The following LRRC4C variants were observed in gnomAD, a reference collection of about 807,000 sequenced individuals.
LRRC4C encodes the protein leucine rich repeat containing 4C.
LRRC4C carries 5 observed loss-of-function variants against 33.6 expected under a neutral mutation model. That is an observed-to-expected ratio of 0.15 (90% CI 0.08 to 0.31). LRRC4C has a LOEUF of 0.31. Ranked by LOEUF, LRRC4C falls within the 10% of genes least tolerant of loss-of-function variation. The pLI is 1.00. For missense variants in LRRC4C, 560 were observed against 796.7 expected (o/e 0.70, Z 3.58); for synonymous variants, 329 against 302.0 (o/e 1.09, Z -0.93).
Position 41,410,630 on chromosome 11 carries a change from CGGTGT to C in LRRC4C, c.-496+48796_-496+48800del, listed in dbSNP as rs1466616741. Among the ~76,000 whole-genome samples the C allele has an allele frequency of 2.6e-5, 4 of 151,758 alleles. No homozygotes were observed. The East Asian group carries it at 7.8e-4, about 30-fold the overall frequency. ...TAATTTTTTGTATTTTTAGTAGAGACGGTGTTTCACCGTGTTAGCCAGGATGGTCT... is the reference window on the plus strand; with the variant it reads ...TAATTTTTTGTATTTTTAGTAGAGACTTCACCGTGTTAGCCAGGATGGTCT... On this transcript the variant is annotated intron_variant, in intron 1 of 6. Coordinates refer to ENST00000528697, the MANE Select transcript of LRRC4C (RefSeq NM_001258419.2).
intron 1 of LRRC4C, among the ~76,000 whole-genome samples, chr11:41,413,708 C>T (rs1954575220): frequency 6.6e-6 from 1 of 152,090 alleles, no homozygotes; most frequent in Admixed American, 6.6e-5. Flanking sequence ...ACATCTATGG[C>T]ATAAAAGTAA....
At chr11:40,272,004 C>T (rs1942741333) in intron 4 of LRRC4C, among the ~76,000 whole-genome samples, 2 of 151,986 alleles carry the variant, frequency 1.3e-5, no homozygotes, top group African/African-American at 4.8e-5. Flanking sequence ...TATAAAATAC[C>T]ATGAAAAACC....
intron 3 of LRRC4C, among the ~76,000 whole-genome samples, chr11:40,593,251 G>T (rs969799853): frequency 7.2e-5 from 11 of 152,184 alleles, no homozygotes; most frequent in African/African-American, 2.4e-4. Flanking sequence ...CCATTCTTAA[G>T]TGCTACCTTG....
chr11:40,489,764 T>G (rs970497644), intron 3 of LRRC4C, among the ~76,000 whole-genome samples: 1 of 152,184 alleles, frequency 6.6e-6, no homozygotes, highest in African/African-American at 2.4e-5. Flanking sequence ...TCCCATTTAC[T>G]ATTCTATTAC....
intron 1 of LRRC4C, among the ~76,000 whole-genome samples, chr11:41,387,335 T>C (rs1382155589): frequency 6.6e-6 from 1 of 151,632 alleles, no homozygotes; most frequent in African/African-American, 2.4e-5. Flanking sequence ...AGACAGGTGA[T>C]AAGAAGTGAG....
intron 1 of LRRC4C, among the ~76,000 whole-genome samples, chr11:41,152,386 T>G (rs1489676171): frequency 1.3e-5 from 2 of 152,218 alleles, no homozygotes; most frequent in African/African-American, 2.4e-5. Context: ...GTGCTTATTC[T>G]GCTTCAAGGT....
At chr11:40,185,208 G>GT (rs1331417267) in intron 5 of LRRC4C, among the ~76,000 whole-genome samples, 12 of 152,286 alleles carry the variant, frequency 7.9e-5, no homozygotes, top group African/African-American at 2.9e-4. Context: ...ACATGTGCTT[G>GT]TGTGTATTCA....
intron 1 of LRRC4C, among the ~76,000 whole-genome samples, chr11:41,055,489 A>G (rs773419076): frequency 6.6e-6 from 1 of 152,126 alleles, no homozygotes; most frequent in Non-Finnish European, 1.5e-5. Context: ...CATCTTAACC[A>G]ACTCATGGAA....
intron 3 of LRRC4C, among the ~76,000 whole-genome samples, chr11:40,575,257 C>T (rs1958144236): frequency 1.3e-5 from 2 of 152,108 alleles, no homozygotes; most frequent in Admixed American, 1.3e-4. Context: ...GGTTCCCAGC[C>T]ATATGTAGTT....
At chr11:41,001,320 C>T (rs1054831783) in intron 1 of LRRC4C, among the ~76,000 whole-genome samples, 7 of 152,096 alleles carry the variant, frequency 4.6e-5, no homozygotes, top group African/African-American at 1.4e-4. Context: ...GTCTTAAGAT[C>T]GAGCAAGAAG....
At chr11:41,197,829 T>C (rs1396278154) in intron 1 of LRRC4C, among the ~76,000 whole-genome samples, 2 of 151,916 alleles carry the variant, frequency 1.3e-5, no homozygotes, top group Non-Finnish European at 2.9e-5. Flanking sequence ...GCCTACATCA[T>C]GGAAAGGTGG....
chr11:40,129,385 A>T (rs374928418), intron 6 of LRRC4C, among the ~76,000 whole-genome samples: 16 of 152,196 alleles, frequency 1.1e-4, no homozygotes, highest in African/African-American at 3.9e-4. Context: ...GTAGGTGATA[A>T]AGTCGGGGAG....
intron 2 of LRRC4C, among the ~76,000 whole-genome samples, chr11:40,868,513 T>C (rs373643602): frequency 7.2e-5 from 11 of 152,194 alleles, no homozygotes; most frequent in African/African-American, 2.6e-4. Flanking sequence ...ATTCTAAACT[T>C]TGGAAGATTT....
chr11:41,165,269 C>T (rs1308959241), intron 1 of LRRC4C, among the ~76,000 whole-genome samples: 1 of 152,024 alleles, frequency 6.6e-6, no homozygotes, highest in Non-Finnish European at 1.5e-5. Context: ...TCTGATCACC[C>T]CAGCAATAAG....
At chr11:41,280,495 CTG>C in intron 1 of LRRC4C, among the ~76,000 whole-genome samples, 1 of 152,314 alleles carries the variant, frequency 6.6e-6, no homozygotes, top group Non-Finnish European at 1.5e-5. Flanking sequence ...ATAACAGAGG[CTG>C]TGCTCAACTC....
intron 1 of LRRC4C, among the ~76,000 whole-genome samples, chr11:40,952,896 ACTCTCTCTCTCT>A (rs35019678): frequency 2.9e-5 from 2 of 70,162 alleles, no homozygotes; most frequent in African/African-American, 4.9e-5. Context: ...ACACACACAC[ACTCTCTCTCTCT>A]CTCTCTCTCT....
chr11:41,377,987 T>C (rs1172378797), intron 1 of LRRC4C, among the ~76,000 whole-genome samples: 1 of 152,152 alleles, frequency 6.6e-6, no homozygotes, highest in Non-Finnish European at 1.5e-5. Context: ...TTGAGGCTCC[T>C]TTGTTAATGT....
At chr11:40,597,147 C>T (rs113310332) in intron 3 of LRRC4C, among the ~76,000 whole-genome samples, 15 of 152,132 alleles carry the variant, frequency 9.9e-5, no homozygotes, top group African/African-American at 1.7e-4. Context: ...ATAAGTTCTT[C>T]GATTGGACCC....
intron 2 of LRRC4C, among the ~76,000 whole-genome samples, chr11:40,837,903 T>C (rs61886570): frequency 1.1e-3 from 144 of 134,534 alleles, no homozygotes; most frequent in African/African-American, 1.4e-3. Flanking sequence ...TATATATATA[T>C]ACACACCCTC....
Sources: gnomAD v4.1 joint callset for allele counts (sites outside exome capture counted in the v4.1 genomes callset) on GRCh38, gnomAD v4.1.1 for gene constraint, MANE v1.5 for transcripts, NCBI Gene and HGNC (gene_info 2026-07-23, HGNC 2026-07-21) for gene names.